ARMH1: variants seen among roughly 807,000 people sequenced by gnomAD.
ARMH1 encodes armadillo-like helical domain containing protein 1.
A neutral mutation model predicts 50.2 loss-of-function variants in ARMH1; 34 were observed. That is an observed-to-expected ratio of 0.68 (90% CI 0.51 to 0.90). The LOEUF (loss-of-function observed/expected upper bound fraction) is 0.90. Ranked by LOEUF, ARMH1 falls within the 40% of genes least tolerant of loss-of-function variation. The pLI, the probability that ARMH1 is intolerant of heterozygous loss-of-function variation, is 0.00. For synonymous variants in ARMH1, 221 were observed against 224.2 expected (o/e 0.99, Z 0.13); for missense variants, 538 against 553.9 (o/e 0.97, Z 0.29).
At chr1:44,717,627 G>C (rs1250252544) in intron 6 of ARMH1, among the ~76,000 whole-genome samples, 1 of 152,220 alleles carries the variant, frequency 6.6e-6, no homozygotes, top group Non-Finnish European at 1.5e-5. Flanking sequence ...CCTAAGGCCA[G>C]TGATTAGATC....
At chr1:44,678,794 CG>C (rs112856966) in intron 1 of ARMH1, among the ~76,000 whole-genome samples, 6,125 of 151,932 alleles carry the variant, frequency 0.04, 270 homozygotes, top group African/African-American at 0.085. Flanking sequence ...TTTGATTTGC[CG>C]GGGGGGTGGG....
chr1:44,702,539 C>CT (rs1208350839), intron 5 of ARMH1, among the ~76,000 whole-genome samples: 1 of 151,818 alleles, frequency 6.6e-6, no homozygotes, highest in East Asian at 1.9e-4. Context: ...TGGTGAAACT[C>CT]TGTCTCTACT....
At chr1:44,691,480 C>G (rs1236227182) in intron 2 of ARMH1, among the ~76,000 whole-genome samples, 1 of 152,060 alleles carries the variant, frequency 6.6e-6, no homozygotes, top group Non-Finnish European at 1.5e-5. Context: ...ATCAACCTTT[C>G]CCACTTCTCA....
rs565464974 is a variant in ARMH1, at chr1:44,705,087, G to A, written c.724+914G>A. On this transcript the variant is annotated intron_variant, in intron 6 of 11. Transcript: ENST00000535358. ...CCTGACCTCGTGATCCACCCGCCTC[G>A]GCCTCCCAAAGTGCTGGGATTACAG... Among the ~76,000 whole-genome samples, 20 of 134,688 alleles carry A rather than the reference G, an allele frequency of 1.5e-4. No homozygotes were observed. The South Asian group carries it at 3.4e-3, about 23-fold the overall frequency. The allele number at this position is 134,688 out of a possible 152,430, so 88.4% of individuals were successfully genotyped here. A position where few individuals can be genotyped will look rare whatever the true frequency, so the allele number is the denominator to read the frequency against.
At chr1:44,721,629 T>C (rs1487241191) in intron 6 of ARMH1, among the ~76,000 whole-genome samples, 1 of 152,142 alleles carries the variant, frequency 6.6e-6, no homozygotes, top group African/African-American at 2.4e-5. Flanking sequence ...CTTATGAGGC[T>C]GAGGTGGGAG....
Position 44,724,522 on chromosome 1 carries a change from C to T in ARMH1, c.921-17C>T, listed in dbSNP as rs1212787647. 6.6e-7 allele frequency: 1 copy of T among 1,505,470 alleles called. No individual in the cohort carries two copies. The highest frequency in any genetic ancestry group is 1.4e-5 in the African/African-American group (1 of 69,098). 93.3% of individuals were successfully genotyped at this position (1,505,470 alleles called of 1,614,324 possible). On this transcript the variant is annotated splice_polypyrimidine_tract_variant and intron_variant, in intron 8 of 11. Coordinates refer to ENST00000535358, the MANE Select transcript of ARMH1 (RefSeq NM_001145636.2). This position sits in a 1 kb window ranked among gnomAD's most constrained non-coding sequence, Gnocchi z 6.4. ...GTGAGCCCCAGGGCGTCGCCCCAGC[C>T]CGAACCCCCGGCCCAGGGTCCTGGC...
At chr1:44,705,226 C>T (rs1336674674) in intron 6 of ARMH1, among the ~76,000 whole-genome samples, 3 of 151,986 alleles carry the variant, frequency 2.0e-5, no homozygotes, top group Non-Finnish European at 2.9e-5. Context: ...CATGGTGGCT[C>T]ACGCCTGTAA....
chr1:44,714,682 T>C (rs1646774027), intron 6 of ARMH1, among the ~76,000 whole-genome samples: 1 of 152,120 alleles, frequency 6.6e-6, no homozygotes, highest in South Asian at 2.1e-4. Flanking sequence ...CTTCCTTTTT[T>C]CTTGAGGCAG....
chr1:44,692,299 CTA>C (rs1203186011), intron 2 of ARMH1, among the ~76,000 whole-genome samples: 6 of 152,284 alleles, frequency 3.9e-5, no homozygotes, highest in African/African-American at 1.4e-4. Context: ...AACTCCTACT[CTA>C]TTATTCAGGT....
intron 1 of ARMH1, among the ~76,000 whole-genome samples, chr1:44,686,935 T>C (rs961739036): frequency 2.1e-5 from 3 of 141,352 alleles, no homozygotes; most frequent in Admixed American, 7.4e-5. Context: ...CCGGGCAACA[T>C]AGTGAGACCT....
intron 1 of ARMH1, among the ~76,000 whole-genome samples, chr1:44,687,680 G>C (rs1245555785): frequency 6.6e-6 from 1 of 152,176 alleles, no homozygotes; most frequent in Admixed American, 6.5e-5. Context: ...GCGCCCTGCA[G>C]CATCGTATTC....
At position 44,704,086 on chromosome 1, in the gene ARMH1, C is replaced by A; in HGVS notation, c.640-3C>A. 6.5e-7 allele frequency: 1 copy of A among 1,549,504 alleles called. No individual in the cohort carries two copies. Among genetic ancestry groups the A allele is most frequent in the South Asian group, 1.2e-5 (1 of 83,932 alleles). On this transcript the variant is annotated splice_region_variant and splice_polypyrimidine_tract_variant and intron_variant, in intron 5 of 11. Transcript: ENST00000535358. ...CACCTTGTCCTGTTGTCTGTCTGGT[C>A]AGCCAATCATTGGGACCACACACCC... is the stretch of plus-strand genomic sequence containing the variant.
At chr1:44,710,825 CCCTGAATT>C (rs1646583003) in intron 6 of ARMH1, among the ~76,000 whole-genome samples, 4 of 152,148 alleles carry the variant, frequency 2.6e-5, no homozygotes, top group Admixed American at 2.6e-4. Flanking sequence ...CAAAAGGAAA[CCCTGAATT>C]CAGCGAGCAG....
intron 1 of ARMH1, among the ~76,000 whole-genome samples, chr1:44,688,726 T>C (rs1389233308): frequency 6.6e-6 from 1 of 152,226 alleles, no homozygotes; most frequent in Non-Finnish European, 1.5e-5. Flanking sequence ...ACATTTGTTA[T>C]GGATAATAAC....
intron 3 of ARMH1, among the ~76,000 whole-genome samples, chr1:44,697,731 C>A (rs1020921480): frequency 1.7e-4 from 26 of 152,152 alleles, no homozygotes; most frequent in African/African-American, 5.6e-4. Context: ...CTTCTGCAGT[C>A]AGAAGGGTGA....
At chr1:44,696,123 G>T (rs1358843322) in intron 2 of ARMH1, among the ~76,000 whole-genome samples, 1 of 152,190 alleles carries the variant, frequency 6.6e-6, no homozygotes, top group East Asian at 1.9e-4. Context: ...GTGGGCTGCT[G>T]CCTGGCCCCA....
At chr1:44,677,664 G>C (rs1041817132) in intron 1 of ARMH1, among the ~76,000 whole-genome samples, 89 of 152,284 alleles carry the variant, frequency 5.8e-4, no homozygotes, top group African/African-American at 2.1e-3. Context: ...GAGACAGTCA[G>C]GATGCTGATG....
intron 1 of ARMH1, among the ~76,000 whole-genome samples, chr1:44,677,800 A>C (rs747427503): frequency 6.6e-6 from 1 of 152,308 alleles, no homozygotes; most frequent in Admixed American, 6.5e-5. Context: ...AGGTGACAGC[A>C]TGAGGAGGGG....
intron 6 of ARMH1, among the ~76,000 whole-genome samples, chr1:44,721,063 AAAAG>A (rs771443553): frequency 5.9e-5 from 9 of 151,960 alleles, no homozygotes; most frequent in Non-Finnish European, 8.8e-5. Flanking sequence ...AAAAAAGGGC[AAAAG>A]AAAGAGAAGG....
Sources: gnomAD v4.1 joint callset for allele counts (sites outside exome capture counted in the v4.1 genomes callset) on GRCh38, gnomAD v4.1.1 for gene constraint, Gnocchi (gnomAD v3.1) non-coding constraint, MANE v1.5 for transcripts, NCBI Gene and HGNC (gene_info 2026-07-23, HGNC 2026-07-21) for gene names.